Variants in PCIF1 observed in about 807,000 individuals in gnomAD.
The protein encoded by PCIF1 is phosphorylated CTD interacting factor 1.
A neutral mutation model predicts 86.9 loss-of-function variants in PCIF1; 12 were observed. The ratio of observed to expected loss-of-function variants is 0.14; its 90% CI spans 0.09 to 0.22. PCIF1 has a LOEUF of 0.22. PCIF1 is among the 10% of genes least tolerant of loss of function. The pLI is 1.00. For synonymous variants in PCIF1, 397 were observed against 372.0 expected (o/e 1.07, Z -0.77); for missense variants, 701 against 951.1 (o/e 0.74, Z 3.46).
Position 45,943,707 on chromosome 20 carries a change from TG to T in PCIF1, c.949del (p.Glu317LysfsTer85). 1 of 1,564,470 alleles carries T rather than the reference TG, an allele frequency of 6.4e-7. No homozygotes were observed. ...AGTAGGAAGGTGGTCAAATGGAATG[TG>T]GAAGACACCTTTAGCTGGCTTCGGA... ...PDSRKVVKWNVEDTFSWLRKD... is the reference protein window; with the variant it reads ...PDSRKVVKWNXEDTFSWLRKD... On this transcript the variant is annotated frameshift_variant, in exon 10 of 17. Transcript: ENST00000372409. LOFTEE classifies it high-confidence loss of function. The surrounding 1 kb of genome is among the most constrained non-coding windows in gnomAD (Gnocchi z 5.5).
Position 45,939,211 on chromosome 20 carries a change from G to T in PCIF1, c.125-4G>T, listed in dbSNP as rs2083449765. ...CCCTGGCTGGGCTCCGTGCCTGTTTGCAGAGGAGCTGGTGCATGCAGGCTG... is the reference window on the plus strand; with the variant it reads ...CCCTGGCTGGGCTCCGTGCCTGTTTTCAGAGGAGCTGGTGCATGCAGGCTG... On this transcript the variant is annotated splice_region_variant and splice_polypyrimidine_tract_variant and intron_variant, in intron 3 of 16. Transcript: ENST00000372409. 3 of 1,613,882 alleles carry T rather than the reference G, an allele frequency of 1.9e-6. No individual in the cohort carries two copies. Among genetic ancestry groups the T allele is most frequent in the Non-Finnish European group, 2.5e-6 (3 of 1,180,034 alleles).
At chr20:45,941,984 T>A (rs2145330183) in intron 7 of PCIF1, among the ~76,000 whole-genome samples, 1 of 150,530 alleles carries the variant, frequency 6.6e-6, no homozygotes, top group African/African-American at 2.4e-5. Context: ...TTTTAATTTT[T>A]TTTTTTCTTG....
Position 45,945,821 on chromosome 20 carries a change from G to A in PCIF1, c.1279G>A (p.Val427Met), listed in dbSNP as rs752277469. 5.6e-6 allele frequency: 9 copies of A among 1,613,872 alleles called. No homozygotes were observed. The highest frequency in any genetic ancestry group is 1.3e-5 in the African/African-American group (1 of 75,062). The change falls in exon 12 of 17, where the codon GTG becomes ATG. Residue 427 changes from valine (V) to methionine (M), a missense_variant. Val to Met is a conservative substitution (Grantham distance 21). Coordinates refer to ENST00000372409, the MANE Select transcript of PCIF1 (RefSeq NM_022104.4). ...PSVEMHMENN[V>M]VCIRYKGEMV... ...CGTGGAGATGCACATGGAGAACAACGTGGTCTGCATCCGGTATAAGGGAGA... is the reference window on the plus strand; with the variant it reads ...CGTGGAGATGCACATGGAGAACAACATGGTCTGCATCCGGTATAAGGGAGA...
chr20:45,947,919 T>C lies in PCIF1; in HGVS notation c.*164T>C. 1 of 1,533,634 alleles carries C rather than the reference T, an allele frequency of 6.5e-7. No homozygotes were observed. The highest frequency in any genetic ancestry group is 8.7e-7 in the Non-Finnish European group (1 of 1,146,264). On this transcript the variant is annotated 3_prime_UTR_variant, in exon 17 of 17. Coordinates refer to ENST00000372409, the MANE Select transcript of PCIF1 (RefSeq NM_022104.4). This position sits in a 1 kb window ranked among gnomAD's most constrained non-coding sequence, Gnocchi z 5.4. ...CCCCAAGTCCTCACCTCAAACTCCCTCCAAGTCCCATGTATATAGGTCCTG... is the reference window on the plus strand; with the variant it reads ...CCCCAAGTCCTCACCTCAAACTCCCCCCAAGTCCCATGTATATAGGTCCTG...
rs778998408 is a variant in PCIF1, at chr20:45,946,332, C to T, written c.1561C>T (p.Arg521Cys). 2.0e-5 allele frequency: 33 copies of T among 1,613,994 alleles called. No homozygotes were observed. Among genetic ancestry groups the T allele is most frequent in the South Asian group, 7.7e-5 (7 of 91,092 alleles). Residue 521 changes from arginine (R) to cysteine (C), a missense_variant, in exon 14 of 17, where the codon CGC (arginine) becomes TGC (cysteine). This residue lies in a region of PCIF1 where 61 missense variants were observed against 118.5 expected (regional missense o/e 0.51). Coordinates refer to ENST00000372409, the MANE Select transcript of PCIF1 (RefSeq NM_022104.4). ...CGCCTCACCCCTCAACTGCTACTTC[C>T]GCCAGTACTGTTCTGCCTTCCCCGA... is the stretch of plus-strand genomic sequence containing the variant. ...CFASPLNCYF[R>C]QYCSAFPDTD...
rs1373064475 is a variant in PCIF1, at chr20:45,940,910, ACAG to A, written c.493_495del (p.Gln165del). 6.2e-7 allele frequency: 1 copy of A among 1,614,098 alleles called. No individual in the cohort carries two copies. The highest frequency in any genetic ancestry group is 8.5e-7 in the Non-Finnish European group (1 of 1,179,998). ...TGTGGGGTACGTCCCCTGAAGATAA[ACAG>A]CAGGCAGCTCTCCTACGACCCACTG... On this transcript the variant is annotated inframe_deletion, in exon 6 of 17. Coordinates refer to ENST00000372409, the MANE Select transcript of PCIF1 (RefSeq NM_022104.4).
chr20:45,939,502 C>T lies in PCIF1; in HGVS notation c.249+163C>T, dbSNP rs758641410. Among the ~76,000 whole-genome samples the T allele has an allele frequency of 3.9e-5, 6 of 152,346 alleles. No individual in the cohort carries two copies. In the South Asian group the frequency reaches 1.2e-3, roughly 32 times the overall value. ...AGCCCCTGCCCTCATGGAACCTACA[C>T]TCAAATGGGGTAGACTGACAAGTAA... On this transcript the variant is annotated intron_variant, in intron 4 of 16. Coordinates refer to ENST00000372409, the MANE Select transcript of PCIF1 (RefSeq NM_022104.4).
chr20:45,945,831 T>C lies in PCIF1; in HGVS notation c.1289T>C (p.Ile430Thr), dbSNP rs757606488. ...CACATGGAGAACAACGTGGTCTGCA[T>C]CCGGTATAAGGGAGAGATGGTCAAG... ...EMHMENNVVCIRYKGEMVKVS... is the reference protein window; with the variant it reads ...EMHMENNVVCTRYKGEMVKVS... The change falls in exon 12 of 17, where the codon ATC becomes ACC. Residue 430 changes from isoleucine to threonine, a missense_variant. Ile to Thr is a moderately conservative substitution (Grantham distance 89, BLOSUM62 -1). This residue lies in a region of PCIF1 where 121 missense variants were observed against 131.7 expected (regional missense o/e 0.92). Coordinates refer to ENST00000372409, the MANE Select transcript of PCIF1 (RefSeq NM_022104.4). The C allele has an allele frequency of 6.2e-7, 1 of 1,613,826 alleles. No homozygotes were observed. The highest frequency in any genetic ancestry group is 8.5e-7 in the Non-Finnish European group (1 of 1,180,032).
chr20:45,938,044 C>G (rs1482983373), intron 2 of PCIF1: 1 of 152,730 alleles, frequency 6.5e-6, no homozygotes, highest in Non-Finnish European at 1.5e-5. Context: ...GTGTGACCTA[C>G]TGAAAACAAC....
At position 45,947,638 on chromosome 20, in the gene PCIF1, C is replaced by T. The variant is rs980160199; in HGVS notation, c.1998C>T (p.Ala666=). The change falls in exon 17 of 17, where the codon GCC becomes GCT. Residue 666 remains alanine, a synonymous_variant. Coordinates refer to ENST00000372409, the MANE Select transcript of PCIF1 (RefSeq NM_022104.4). The surrounding 1 kb of genome is among the most constrained non-coding windows in gnomAD (Gnocchi z 5.4). The part of the protein sequence containing the change: ...TPERLQELSA[A]YRQSGRSHSS... ...AACGGCTGCAGGAGCTGAGTGCTGC[C>T]TACCGGCAGTCAGGCCGCAGCCACA... is the stretch of plus-strand genomic sequence containing the variant. 2.5e-6 allele frequency: 4 copies of T among 1,612,602 alleles called. No individual in the cohort carries two copies. The highest frequency in any genetic ancestry group is 3.4e-6 in the Non-Finnish European group (4 of 1,179,950).
Position 45,945,764 on chromosome 20 carries a change from C to T in PCIF1, c.1222C>T (p.Arg408Trp), listed in dbSNP as rs771361221. 13 of 1,613,812 alleles carry T rather than the reference C, an allele frequency of 8.1e-6. No individual in the cohort carries two copies. Among genetic ancestry groups the T allele is most frequent in the Admixed American group, 6.7e-5 (4 of 60,000 alleles). Residue 408 changes from arginine (R) to tryptophan (W), a missense_variant, in exon 12 of 17, where the codon CGG (arginine) becomes TGG (tryptophan). Physicochemically the swap from Arg to Trp is moderately radical, Grantham distance 101. Coordinates refer to ENST00000372409, the MANE Select transcript of PCIF1 (RefSeq NM_022104.4). ...EPRLVYCYPV[R>W]LAVSAPPMPS... Reference sequence around the variant, plus strand: ...CCGCCTAGTGTACTGCTACCCAGTCCGGCTGGCTGTGTCTGCACCGCCCAT... The same window carrying T: ...CCGCCTAGTGTACTGCTACCCAGTCTGGCTGGCTGTGTCTGCACCGCCCAT...
rs1184896855 is a variant in PCIF1, at chr20:45,947,827, A to T, written c.*72A>T. On this transcript the variant is annotated 3_prime_UTR_variant, in exon 17 of 17. Transcript: ENST00000372409. This position sits in a 1 kb window ranked among gnomAD's most constrained non-coding sequence, Gnocchi z 5.4. ...CTGGGACTCGGGCCCCTGGGGCCTC[A>T]GAGGGACCCCGGCTGCCACTGACAT... The T allele has an allele frequency of 3.9e-6, 6 of 1,534,824 alleles. No homozygotes were observed. In the Admixed American group the frequency reaches 1.3e-4, roughly 34 times the overall value.
chr20:45,940,326 A>C, intron 4 of PCIF1, 149 bp from the exon 5 acceptor site: 1 of 999,362 alleles, frequency 1.0e-6, no homozygotes, highest in Non-Finnish European at 1.4e-6. Context: ...TGCAGGCAGG[A>C]CTGGAGCCCA....
Position 45,940,514 on chromosome 20 carries a change from G to A in PCIF1, c.289G>A (p.Asp97Asn). ...GCTGAATGCGACCCCACTGCCCCAA[G>A]ACTCAAGCTTGGTGGAAACTCCCCC... ...LGLNATPLPQ[D>N]SSLVETPPAE... The change falls in exon 5 of 17, where the codon GAC (aspartate) becomes AAC (asparagine). Residue 97 changes from aspartate to asparagine, a missense_variant. This residue lies in a region of PCIF1 where 125 missense variants were observed against 126.8 expected (regional missense o/e 0.99). Coordinates refer to ENST00000372409, the MANE Select transcript of PCIF1 (RefSeq NM_022104.4). 2 of 1,608,306 alleles carry A rather than the reference G, an allele frequency of 1.2e-6. No homozygotes were observed. Among genetic ancestry groups the A allele is most frequent in the Non-Finnish European group, 1.7e-6 (2 of 1,177,234 alleles).
At position 45,939,131 on chromosome 20, in the gene PCIF1, G is replaced by C. The variant is rs374521197; in HGVS notation, c.124+8G>C. On this transcript the variant is annotated splice_region_variant and intron_variant, in intron 3 of 16. Transcript: ENST00000372409. The stretch of plus-strand genomic sequence containing the variant: ...TGGTTCAGGACCTCCCAGGTACTGA[G>C]GGGGAGCAGTAGTGGGGTGGTGGGG... 29 of 1,613,976 alleles carry C rather than the reference G, an allele frequency of 1.8e-5. No homozygotes were observed. In the African/African-American group the frequency reaches 2.9e-4, roughly 16 times the overall value.
At position 45,945,715 on chromosome 20, in the gene PCIF1, G is replaced by A. The variant is rs760997561; in HGVS notation, c.1173G>A (p.Glu391=). The A allele has an allele frequency of 9.9e-6, 16 of 1,612,566 alleles. No individual in the cohort carries two copies. In the East Asian group the frequency reaches 1.8e-4, roughly 18 times the overall value. ...CACTGCTCTCCCTGCCCACAGAGGA[G>A]GTGGAGGCCCCTGAGGTGGAGCCCC... ...AILKENNISE[E]VEAPEVEPRL... The change falls in exon 12 of 17, where the codon GAG becomes GAA. Residue 391 remains glutamate, a synonymous_variant. Transcript: ENST00000372409.
Position 45,944,857 on chromosome 20 carries a change from G to A in PCIF1, c.1006-11G>A. ...CTCCACTAGCGCCCTGATCCAGAAT[G>A]TGTCCTCTAGGATCGCCTGGAGCAT... On this transcript the variant is annotated splice_polypyrimidine_tract_variant and intron_variant, in intron 10 of 16. Coordinates refer to ENST00000372409, the MANE Select transcript of PCIF1 (RefSeq NM_022104.4). 1 of 1,609,062 alleles carries A rather than the reference G, an allele frequency of 6.2e-7. No individual in the cohort carries two copies.
At position 45,947,792 on chromosome 20, in the gene PCIF1, G is replaced by T. The variant is rs777856932; in HGVS notation, c.*37G>T. ...GGGAGGAGGAGCCCCAGGGGTGCTA[G>T]TCTGGACTGCTGGGACTCGGGCCCC... On this transcript the variant is annotated 3_prime_UTR_variant, in exon 17 of 17. Coordinates refer to ENST00000372409, the MANE Select transcript of PCIF1 (RefSeq NM_022104.4). This position sits in a 1 kb window ranked among gnomAD's most constrained non-coding sequence, Gnocchi z 5.4. 6.3e-7 allele frequency: 1 copy of T among 1,584,746 alleles called. No homozygotes were observed. The highest frequency in any genetic ancestry group is 8.5e-7 in the Non-Finnish European group (1 of 1,173,840).
chr20:45,946,318 T>G lies in PCIF1; in HGVS notation c.1547T>G (p.Leu516Arg). ...GVSFECFASP[L>R]NCYFRQYCSA... is the part of the protein sequence containing the mutation. Reference sequence around the variant, plus strand: ...AGCTTCGAGTGCTTCGCCTCACCCCTCAACTGCTACTTCCGCCAGTACTGT... The same window carrying G: ...AGCTTCGAGTGCTTCGCCTCACCCCGCAACTGCTACTTCCGCCAGTACTGT... Residue 516 changes from leucine to arginine, a missense_variant, in exon 14 of 17, where the codon CTC becomes CGC. Physicochemically the swap from Leu to Arg is moderately radical, Grantham distance 102 (BLOSUM62 -2). This residue lies in a region of PCIF1 where 61 missense variants were observed against 118.5 expected (regional missense o/e 0.51). Transcript: ENST00000372409. The G allele has an allele frequency of 6.2e-7, 1 of 1,614,070 alleles. No homozygotes were observed. The highest frequency in any genetic ancestry group is 8.5e-7 in the Non-Finnish European group (1 of 1,180,018).
Sources: allele counts gnomAD v4.1 joint callset (sites outside exome capture counted in the v4.1 genomes callset), GRCh38; gene constraint gnomAD v4.1.1; regional missense constraint gnomAD v4.1.1; non-coding constraint Gnocchi (gnomAD v3.1); transcripts MANE v1.5; gene names NCBI Gene and HGNC (gene_info 2026-07-23, HGNC 2026-07-21).